CSMD3: variants seen among roughly 807,000 people sequenced by gnomAD.
CSMD3 encodes the protein CUB and sushi domain-containing protein 3.
A neutral mutation model predicts 435.2 loss-of-function variants in CSMD3; 177 were observed. The observed-to-expected ratio is 0.41, with a 90% CI of 0.36 to 0.46. The LOEUF (loss-of-function observed/expected upper bound fraction) is 0.46, where lower values mean the gene tolerates loss of function less well. Among genes scored for constraint, CSMD3 ranks in the 20% least tolerant of loss-of-function variants. CSMD3 has a pLI of 0.34. For synonymous variants in CSMD3, 1,656 were observed against 1,520.5 expected (o/e 1.09, Z -2.07); for missense variants, 4,265 against 4,504.6 (o/e 0.95, Z 1.52).
intron 66 of CSMD3, among the ~76,000 whole-genome samples, chr8:112,237,793 C>A (rs1381173814): frequency 6.6e-6 from 1 of 152,036 alleles, no homozygotes; most frequent in African/African-American, 2.4e-5. Flanking sequence ...AAAGGTCCTG[C>A]AAAATTATCA....
At chr8:112,950,820 G>A (rs2083780783) in intron 8 of CSMD3, among the ~76,000 whole-genome samples, 2 of 151,884 alleles carry the variant, frequency 1.3e-5, no homozygotes, top group Non-Finnish European at 2.9e-5. Context: ...AGCTCGGCAA[G>A]GCAGAAACTA....
intron 19 of CSMD3, among the ~76,000 whole-genome samples, chr8:112,646,412 G>A (rs1220161496): frequency 6.6e-6 from 1 of 152,192 alleles, no homozygotes; most frequent in Admixed American, 6.5e-5. Flanking sequence ...GCGTGTTTGT[G>A]TGTGTGTATT....
intron 47 of CSMD3, among the ~76,000 whole-genome samples, chr8:112,318,472 T>C (rs1822682314): frequency 6.6e-6 from 1 of 152,032 alleles, no homozygotes; most frequent in African/African-American, 2.4e-5. Context: ...TTAATGAGTC[T>C]AGTGGTTAGA....
intron 9 of CSMD3, among the ~76,000 whole-genome samples, chr8:112,923,000 G>A (rs2082793571): frequency 6.6e-6 from 1 of 152,050 alleles, no homozygotes; most frequent in Non-Finnish European, 1.5e-5. Flanking sequence ...AAACCTTACA[G>A]TTATTCTTAA....
chr8:112,630,346 A>T (rs1466267368), intron 22 of CSMD3, among the ~76,000 whole-genome samples: 3 of 152,198 alleles, frequency 2.0e-5, no homozygotes, highest in Non-Finnish European at 2.9e-5. Context: ...CAATGAGATT[A>T]TATATATAAC....
intron 10 of CSMD3, among the ~76,000 whole-genome samples, chr8:112,920,962 T>TA (rs2082718896): frequency 6.8e-6 from 1 of 146,032 alleles, no homozygotes. Context: ...CATACTGGTA[T>TA]TTATATATAT....
chr8:113,397,622 C>T (rs1460836325), intron 1 of CSMD3, among the ~76,000 whole-genome samples: 2 of 151,840 alleles, frequency 1.3e-5, no homozygotes, highest in Admixed American at 6.6e-5. Context: ...CAAGACCATC[C>T]TGGCTAACAC....
chr8:112,874,298 T>C (rs2081219093), intron 10 of CSMD3, among the ~76,000 whole-genome samples: 2 of 152,170 alleles, frequency 1.3e-5, no homozygotes, highest in Non-Finnish European at 2.9e-5. Flanking sequence ...TTCCGTTCTT[T>C]TACATTTGAT....
intron 61 of CSMD3, among the ~76,000 whole-genome samples, chr8:112,261,588 T>G (rs1227586175): frequency 2.0e-5 from 3 of 152,028 alleles, no homozygotes; most frequent in Non-Finnish European, 4.4e-5. Flanking sequence ...CACTATTATT[T>G]TACTGCTAAA....
intron 8 of CSMD3, among the ~76,000 whole-genome samples, chr8:112,952,154 G>GAA (rs879901429): frequency 7.1e-6 from 1 of 141,310 alleles, no homozygotes; most frequent in Non-Finnish European, 1.6e-5. Flanking sequence ...TATAAAAGCT[G>GAA]AAAAAAAAAA....
intron 31 of CSMD3, among the ~76,000 whole-genome samples, chr8:112,486,030 T>C (rs766343958): frequency 3.3e-5 from 5 of 151,452 alleles, no homozygotes; most frequent in Non-Finnish European, 4.4e-5. Flanking sequence ...TGGCTAAGTA[T>C]ATCTATATAG....
At chr8:113,186,635 T>C (rs56795694) in intron 3 of CSMD3, among the ~76,000 whole-genome samples, 14,851 of 151,986 alleles carry the variant, frequency 0.098, 1,108 homozygotes, top group African/African-American at 0.2. Flanking sequence ...AACGACCCTG[T>C]ATAAACCATT....
At chr8:112,426,026 T>TTACA (rs1813036559) in intron 32 of CSMD3, among the ~76,000 whole-genome samples, 1 of 152,176 alleles carries the variant, frequency 6.6e-6, no homozygotes, top group African/African-American at 2.4e-5. Context: ...AGTCAAGTTC[T>TTACA]ATTTCTTTGT....
intron 4 of CSMD3, among the ~76,000 whole-genome samples, chr8:113,166,213 A>G (rs1222219238): frequency 6.6e-6 from 1 of 152,052 alleles, no homozygotes; most frequent in Non-Finnish European, 1.5e-5. Flanking sequence ...TTTAAAATAT[A>G]TGAGTTTATG....
At chr8:112,406,062 C>T (rs1255757766) in intron 35 of CSMD3, among the ~76,000 whole-genome samples, 1 of 151,900 alleles carries the variant, frequency 6.6e-6, no homozygotes, top group Non-Finnish European at 1.5e-5. Context: ...TGAATAAAAA[C>T]TAGAGGAGAT....
intron 40 of CSMD3, among the ~76,000 whole-genome samples, chr8:112,349,483 T>C (rs1367522988): frequency 1.3e-5 from 2 of 152,132 alleles, no homozygotes; most frequent in Non-Finnish European, 2.9e-5. Context: ...GGATGAAAGA[T>C]CTAAACTCTG....
chr8:112,223,177 T>C lies in CSMD3; in HGVS notation c.*1594A>G, dbSNP rs1812301455. The stretch of plus-strand genomic sequence containing the variant: ...AAACAAGAATAAATAACTGATGGCA[T>C]AAAATTTAAAACTGCATCCTGCCAG... On this transcript the variant is annotated 3_prime_UTR_variant, in exon 71 of 71. Transcript: ENST00000297405. The C allele has an allele frequency of 7.6e-6, 3 of 396,406 alleles. No homozygotes were observed. The highest frequency in any genetic ancestry group is 1.3e-5 in the Non-Finnish European group (3 of 224,422). The allele number at this position is 396,406 out of a possible 1,614,324, so 24.6% of individuals were successfully genotyped here.
Position 112,223,604 on chromosome 8 carries a change from C to G in CSMD3, c.*1167G>C, listed in dbSNP as rs1206847666. On this transcript the variant is annotated 3_prime_UTR_variant, in exon 71 of 71. Coordinates refer to ENST00000297405, the MANE Select transcript of CSMD3 (RefSeq NM_198123.2). ...AACTTGGTGTTTAACAATAAAGGTACAGAAATTTAAAAATATATAAAAATA... is the reference window on the plus strand; with the variant it reads ...AACTTGGTGTTTAACAATAAAGGTAGAGAAATTTAAAAATATATAAAAATA... The G allele has an allele frequency of 6.6e-6, 1 of 152,036 alleles. No individual in the cohort carries two copies. Among genetic ancestry groups the G allele is most frequent in the African/African-American group, 2.4e-5 (1 of 41,344 alleles). The allele number at this position is 152,036 out of a possible 1,614,324, so 9.4% of individuals were successfully genotyped here. A position where few individuals can be genotyped will look rare whatever the true frequency, so the allele number is the denominator to read the frequency against.
intron 23 of CSMD3, among the ~76,000 whole-genome samples, chr8:112,585,241 GTT>G (rs1830633838): frequency 6.6e-6 from 1 of 151,450 alleles, no homozygotes. Flanking sequence ...GAATTGGTGT[GTT>G]TCTATTATAA....
Sources: allele counts gnomAD v4.1 joint callset (sites outside exome capture counted in the v4.1 genomes callset), GRCh38; gene constraint gnomAD v4.1.1; transcripts MANE v1.5; gene names NCBI Gene and HGNC (gene_info 2026-07-23, HGNC 2026-07-21).